ATCAY: variants seen among roughly 807,000 people sequenced by gnomAD.
The protein encoded by ATCAY is ATCAY kinesin light chain interacting caytaxin.
ATCAY carries 22 observed loss-of-function variants against 47.7 expected under a neutral mutation model. The ratio of observed to expected loss-of-function variants is 0.46; its 90% CI spans 0.33 to 0.66. The LOEUF is 0.66. Among genes scored for constraint, ATCAY ranks in the 30% least tolerant of loss-of-function variants. ATCAY has a pLI of 0.02. For missense variants in ATCAY, 452 were observed against 515.0 expected (o/e 0.88, Z 1.18); for synonymous variants, 216 against 207.6 (o/e 1.04, Z -0.35).
At position 3,924,653 on chromosome 19, in the gene ATCAY, A is replaced by G. The variant is rs2039051328; in HGVS notation, c.*61A>G. On this transcript the variant is annotated 3_prime_UTR_variant, in exon 13 of 13. Transcript: ENST00000450849. Reference sequence around the variant, plus strand: ...TTCCAGATGCCAGAAAACCTCTGTCAGACGCCCACTGGCCCCAGATCTCAT... The same window carrying G: ...TTCCAGATGCCAGAAAACCTCTGTCGGACGCCCACTGGCCCCAGATCTCAT... 6.3e-7 allele frequency: 1 copy of G among 1,596,680 alleles called. No homozygotes were observed. The highest frequency in any genetic ancestry group is 8.6e-7 in the Non-Finnish European group (1 of 1,166,490).
At chr19:3,914,088 T>A (rs1049738457) in intron 9 of ATCAY, among the ~76,000 whole-genome samples, 1 of 148,688 alleles carries the variant, frequency 6.7e-6, no homozygotes, top group Non-Finnish European at 1.5e-5. Context: ...TACAAAAAAT[T>A]AGCCGGGCGT....
At chr19:3,914,586 T>C (rs570929184) in intron 9 of ATCAY, among the ~76,000 whole-genome samples, 2 of 152,102 alleles carry the variant, frequency 1.3e-5, no homozygotes, top group East Asian at 1.9e-4. Context: ...TTTGAGAGGC[T>C]GAGACAGGCA....
In ATCAY at chr19:3,923,968, G is replaced by GTGGA. The variant is rs58091636; in HGVS notation, c.1107-582_1107-579dup. Among the ~76,000 whole-genome samples the GTGGA allele has an allele frequency of 6.2e-3, 776 of 124,816 alleles. 2 individuals are homozygous for GTGGA. The highest frequency in any genetic ancestry group is 0.012 in the African/African-American group (372 of 31,258). 81.9% of individuals were successfully genotyped at this position (124,816 alleles called of 152,430 possible). A position where few individuals can be genotyped will look rare whatever the true frequency, so the allele number is the denominator to read the frequency against. On this transcript the variant is annotated intron_variant, in intron 12 of 12. Transcript: ENST00000450849. ...GATGGCTAGATGGATGAGTGGGTGG[G>GTGGA]TGGATGGATGGATGGATGGATGGAT...
rs1156911186 is a variant in ATCAY at position 3,910,997 on chromosome 19, ATCTGTGTGTGTGTGC to A, written c.866+109_866+123del. On this transcript the variant is annotated intron_variant, in intron 8 of 12. Coordinates refer to ENST00000450849, the MANE Select transcript of ATCAY (RefSeq NM_033064.5). ...TGTGTGCACGTGTGTGCGTGTGTGC[ATCTGTGTGTGTGTGC>A]ATCCATGTGTGTGTTTGATGTGCAT... 5.6e-6 allele frequency: 7 copies of A among 1,239,378 alleles called. No homozygotes were observed. In the South Asian group the frequency reaches 6.2e-5, roughly 11 times the overall value. The allele number at this position is 1,239,378 out of a possible 1,614,324, so 76.8% of individuals were successfully genotyped here.
intron 4 of ATCAY, among the ~76,000 whole-genome samples, chr19:3,905,964 A>C (rs1303580808): frequency 6.6e-6 from 1 of 152,000 alleles, no homozygotes; most frequent in Non-Finnish European, 1.5e-5. Context: ...CGAGGTCAGG[A>C]GATCGAGACC....
chr19:3,918,722 C>G (rs1010629701), intron 10 of ATCAY, 84 bp from the exon 11 acceptor site: 1 of 1,451,494 alleles, frequency 6.9e-7, no homozygotes, highest in Non-Finnish European at 9.6e-7. Flanking sequence ...ACAGGAAAAC[C>G]AGAGAGGCCA....
chr19:3,887,958 A>T (rs937401386), intron 2 of ATCAY, among the ~76,000 whole-genome samples: 1 of 151,350 alleles, frequency 6.6e-6, no homozygotes, highest in Non-Finnish European at 1.5e-5. Context: ...AATAAAAATT[A>T]AAAAAAATTA....
intron 12 of ATCAY, among the ~76,000 whole-genome samples, chr19:3,923,836 GTGGATGGATGGA>G (rs533757647): frequency 7.4e-6 from 1 of 135,960 alleles, no homozygotes; most frequent in Non-Finnish European, 1.6e-5. Context: ...GGGTGGGTGG[GTGGATGGATGGA>G]TGGATGGATG....
intron 2 of ATCAY, among the ~76,000 whole-genome samples, chr19:3,887,603 C>T (rs1026683361): frequency 2.6e-5 from 4 of 151,094 alleles, no homozygotes; most frequent in Non-Finnish European, 4.4e-5. Flanking sequence ...TCTCCTGCCT[C>T]AGCCTCCCGA....
At chr19:3,909,335 C>T (rs1599290787) in intron 6 of ATCAY, 151 bp from the exon 7 acceptor site, 2 of 819,072 alleles carry the variant, frequency 2.4e-6, no homozygotes, top group East Asian at 2.7e-5. Flanking sequence ...CCTCTCCCAC[C>T]CTGCAGTCCG....
At chr19:3,918,755 T>C in intron 10 of ATCAY, 51 bp from the exon 11 acceptor site, 1 of 1,602,018 alleles carries the variant, frequency 6.2e-7, no homozygotes, top group Non-Finnish European at 8.6e-7. Flanking sequence ...AGCCCACCCC[T>C]TGGCCTGGCT....
At chr19:3,890,775 C>T (rs1291173993) in intron 2 of ATCAY, among the ~76,000 whole-genome samples, 3 of 152,196 alleles carry the variant, frequency 2.0e-5, no homozygotes, top group South Asian at 4.1e-4. Context: ...GGACAGTGGC[C>T]TCGCTGTGCC....
intron 2 of ATCAY, among the ~76,000 whole-genome samples, chr19:3,896,370 C>T (rs769978597): frequency 6.6e-6 from 1 of 151,386 alleles, no homozygotes; most frequent in Non-Finnish European, 1.5e-5. Context: ...CGGGTTCAAG[C>T]GATTCTCTTG....
chr19:3,890,046 G>A lies in ATCAY; in HGVS notation c.77+4202G>A, dbSNP rs369915160. On this transcript the variant is annotated intron_variant, in intron 2 of 12. Transcript: ENST00000450849. ...TGCAACCTCCACCTCCTGGGTTCAA[G>A]TGATTCTCCTGCTTCAGCCTCCCAA... Among the ~76,000 whole-genome samples the A allele has an allele frequency of 5.5e-4, 83 of 151,176 alleles. No individual in the cohort carries two copies. The South Asian group carries it at 0.015, about 28-fold the overall frequency.
intron 5 of ATCAY, 37 bp from the exon 6 acceptor site, chr19:3,908,231 A>G (rs754454314): frequency 8.5e-6 from 13 of 1,520,924 alleles, no homozygotes; most frequent in Middle Eastern, 3.4e-4. Context: ...GGGCTGGGAG[A>G]GGACTCTGAC....
intron 9 of ATCAY, among the ~76,000 whole-genome samples, chr19:3,914,437 C>G (rs2038950002): frequency 6.6e-6 from 1 of 151,792 alleles, no homozygotes; most frequent in Non-Finnish European, 1.5e-5. Flanking sequence ...AAGACCTGCC[C>G]CCATGATTCA....
intron 2 of ATCAY, chr19:3,893,710 T>G (rs1158427643): frequency 6.6e-6 from 1 of 152,276 alleles, no homozygotes; most frequent in Non-Finnish European, 1.5e-5. Context: ...GCAGTGGGTC[T>G]TCCTTCAGGG....
chr19:3,908,420 C>T (rs543167876), intron 6 of ATCAY, 50 bp downstream of exon 6: 1 of 1,462,672 alleles, frequency 6.8e-7, no homozygotes, highest in East Asian at 2.5e-5. Context: ...TGATGCCTCC[C>T]TGGCCACAGG....
chr19:3,887,406 C>A (rs2038667463), intron 2 of ATCAY, among the ~76,000 whole-genome samples: 1 of 151,962 alleles, frequency 6.6e-6, no homozygotes, highest in South Asian at 2.1e-4. Context: ...TGCAGCGAGC[C>A]ATGATTGCAG....
Sources: allele counts gnomAD v4.1 joint callset (sites outside exome capture counted in the v4.1 genomes callset), GRCh38; gene constraint gnomAD v4.1.1; transcripts MANE v1.5; gene names NCBI Gene and HGNC (gene_info 2026-07-23, HGNC 2026-07-21).